TSHZ3: variants seen among roughly 807,000 people sequenced by gnomAD.
TSHZ3 encodes the protein teashirt homolog 3.
A neutral mutation model predicts 64.5 loss-of-function variants in TSHZ3; 10 were observed. That is an observed-to-expected ratio of 0.16 (90% confidence interval 0.10 to 0.26). TSHZ3 has a LOEUF of 0.26. Ranked by LOEUF, TSHZ3 falls within the 10% of genes least tolerant of loss-of-function variation. The probability of loss-of-function intolerance (pLI) is 1.00; values close to 1 mark genes in which losing one functional copy is unlikely to be tolerated. For synonymous variants in TSHZ3, 608 were observed against 593.1 expected, an observed-to-expected ratio of 1.03 and a Z score of -0.36; for missense variants, 1,242 against 1,421.7, an observed-to-expected ratio of 0.87 and a Z score of 2.03.
chr19:31,290,131 C>A (rs568296248), intron 1 of TSHZ3, among the ~76,000 whole-genome samples: 14 of 152,260 alleles, frequency 9.2e-5, no homozygotes, highest in African/African-American at 3.4e-4. Flanking sequence ...TAGAGCTATC[C>A]CCAGATGTCC....
rs748121385 is a variant in TSHZ3, at chr19:31,277,995, A to G, written c.1798T>C (p.Ser600Pro). ...TLVSPPSSQT[S>P]PMPKTNFHAM... ...TGAAAGTTTGTCTTGGGCATGGGGG[A>G]CGTCTGGCTGCTGGGTGGAGAGACC... The change falls in exon 2 of 2, where the codon TCC (serine) becomes CCC (proline). Residue 600 changes from serine (S) to proline (P), a missense_variant. Physicochemically the swap from Ser to Pro is moderately conservative, Grantham distance 74. This residue lies in a region of TSHZ3 where 550 missense variants were observed against 545.1 expected (regional missense o/e 1.01). Transcript: ENST00000240587. This position sits in a 1 kb window ranked among gnomAD's most constrained non-coding sequence, Gnocchi z 4.5. The G allele has an allele frequency of 1.9e-6, 3 of 1,613,798 alleles. No homozygotes were observed. The highest frequency in any genetic ancestry group is 3.3e-5 in the Admixed American group (2 of 60,002).
Position 31,186,394 on chromosome 19 carries a change from C to T in TSHZ3, n.809+18562G>A, listed in dbSNP as rs115250278. 4.7e-3 allele frequency among the ~76,000 whole-genome samples: 712 copies of T among 152,252 alleles called. 7 individuals are homozygous for T. The highest frequency in any genetic ancestry group is 0.016 in the African/African-American group (668 of 41,536). On this transcript the variant is annotated intron_variant and non_coding_transcript_variant, in intron 5 of 6. Transcript: ENST00000651361. ...GTTCTCATGATACTGAGTGAGTTCT[C>T]ACAAGATCTGAATGGTTTTATAAGA...
intron 1 of TSHZ3, among the ~76,000 whole-genome samples, chr19:31,340,032 G>A (rs573130178): frequency 3.9e-5 from 6 of 151,936 alleles, no homozygotes; most frequent in African/African-American, 9.7e-5. Flanking sequence ...TAATCGTCCC[G>A]CAGCTTGACA....
chr19:31,256,461 A>G lies in TSHZ3; in HGVS notation n.64-13586T>C, dbSNP rs146365901. 3.9e-4 allele frequency among the ~76,000 whole-genome samples: 60 copies of G among 152,260 alleles called. 2 individuals are homozygous for G. In the East Asian group the frequency reaches 7.6e-3, roughly 19 times the overall value. On this transcript the variant is annotated intron_variant and non_coding_transcript_variant, in intron 1 of 6. Coordinates refer to the TSHZ3 transcript ENST00000651361. ...AAGCAGATTGCAACATGAAGTAGTGACAGATGTTTGCCCAGAGGGCCTCGG... is the reference window on the plus strand; with the variant it reads ...AAGCAGATTGCAACATGAAGTAGTGGCAGATGTTTGCCCAGAGGGCCTCGG...
At chr19:31,290,014 T>C (rs539888318) in intron 1 of TSHZ3, among the ~76,000 whole-genome samples, 1 of 152,194 alleles carries the variant, frequency 6.6e-6, no homozygotes, top group Non-Finnish European at 1.5e-5. Flanking sequence ...GGCTCTCTGC[T>C]GTACAAACGT....
chr19:31,327,829 GA>G (rs1202027524), intron 1 of TSHZ3, among the ~76,000 whole-genome samples: 4 of 151,820 alleles, frequency 2.6e-5, no homozygotes, highest in East Asian at 1.9e-4. Context: ...ATTGCACTGG[GA>G]AAAAAAATAA....
At chr19:31,272,104 G>A (rs1189246769), downstream of TSHZ3, among the ~76,000 whole-genome samples, 2 of 152,182 alleles carry the variant, frequency 1.3e-5, no homozygotes, top group Non-Finnish European at 2.9e-5. Flanking sequence ...ACTTGGAAAT[G>A]TCTAAAGATG....
At chr19:31,344,114 T>C (rs1917515609) in intron 1 of TSHZ3, among the ~76,000 whole-genome samples, 1 of 152,232 alleles carries the variant, frequency 6.6e-6, no homozygotes, top group African/African-American at 2.4e-5. Context: ...ATACAATATA[T>C]TGTATTCACC....
chr19:31,299,188 C>G (rs1976714226), intron 1 of TSHZ3, among the ~76,000 whole-genome samples: 1 of 152,146 alleles, frequency 6.6e-6, no homozygotes, highest in African/African-American at 2.4e-5. Context: ...GGGCGAGACT[C>G]CATCTCAAAA....
At chr19:31,234,382 C>CT (rs1352095693) in intron 3 of TSHZ3, among the ~76,000 whole-genome samples, 1 of 151,562 alleles carries the variant, frequency 6.6e-6, no homozygotes, top group African/African-American at 2.4e-5. Flanking sequence ...TTTATTTTGC[C>CT]TTATGGCATT....
intron 1 of TSHZ3, among the ~76,000 whole-genome samples, chr19:31,262,612 GT>G (rs762242933): frequency 2.6e-5 from 4 of 152,092 alleles, no homozygotes; most frequent in Admixed American, 6.5e-5. Flanking sequence ...TTATTTAAAT[GT>G]TTTTTTATCC....
chr19:31,327,366 TA>T (rs1916960730), intron 1 of TSHZ3, among the ~76,000 whole-genome samples: 1 of 152,234 alleles, frequency 6.6e-6, no homozygotes, highest in Admixed American at 6.5e-5. Flanking sequence ...AAATAGATTT[TA>T]AAAATTGAGG....
intron 5 of TSHZ3, among the ~76,000 whole-genome samples, chr19:31,166,559 C>T (rs561313354): frequency 1.3e-5 from 2 of 152,174 alleles, no homozygotes; most frequent in South Asian, 4.1e-4. Flanking sequence ...CCATATATCC[C>T]TCCTCCACTG....
chr19:31,229,576 G>A (rs1381224914), intron 3 of TSHZ3, among the ~76,000 whole-genome samples: 1 of 152,182 alleles, frequency 6.6e-6, no homozygotes, highest in African/African-American at 2.4e-5. Context: ...ATCTTGTAAT[G>A]GGAAAATCTT....
In TSHZ3 at chr19:31,200,329, T is replaced by C. The variant is rs183619473; in HGVS notation, n.809+4627A>G. On this transcript the variant is annotated intron_variant and non_coding_transcript_variant, in intron 5 of 6. Coordinates refer to the TSHZ3 transcript ENST00000651361. Reference sequence around the variant, plus strand: ...AACTTAAAAGCAACCAATATGTTCTTGAGTAGGTGAATGGATAAATAAACT... The same window carrying C: ...AACTTAAAAGCAACCAATATGTTCTCGAGTAGGTGAATGGATAAATAAACT... 2.8e-3 allele frequency among the ~76,000 whole-genome samples: 420 copies of C among 152,308 alleles called. 2 individuals are homozygous for C. Among genetic ancestry groups the C allele is most frequent in the Non-Finnish European group, 5.0e-3 (339 of 68,020 alleles).
chr19:31,159,473 T>A (rs1041053172), intron 5 of TSHZ3, among the ~76,000 whole-genome samples: 3 of 152,212 alleles, frequency 2.0e-5, no homozygotes, highest in African/African-American at 7.2e-5. Flanking sequence ...GCTATCACAA[T>A]TGAGCTAAAT....
intron 1 of TSHZ3, among the ~76,000 whole-genome samples, chr19:31,292,191 G>C (rs1396773630): frequency 6.6e-6 from 1 of 152,192 alleles, no homozygotes. Flanking sequence ...CCAAAGAAAG[G>C]ATTCTCTCAT....
rs538330072 is a variant in TSHZ3 at position 31,349,231 on chromosome 19, G to A, written c.-12C>T. 10 of 1,535,800 alleles carry A rather than the reference G, an allele frequency of 6.5e-6. No homozygotes were observed. Among genetic ancestry groups the A allele is most frequent in the East Asian group, 5.1e-5 (2 of 39,464 alleles). ...TTCCTCCTCGGCATGATGCTTCTCC[G>A]GCGACTGCCACTGCCGCCGCCGCCG... On this transcript the variant is annotated 5_prime_UTR_variant, in exon 1 of 2. Coordinates refer to ENST00000240587, the MANE Select transcript of TSHZ3 (RefSeq NM_020856.4).
At chr19:31,322,529 T>G (rs570034118) in intron 1 of TSHZ3, among the ~76,000 whole-genome samples, 24 of 152,314 alleles carry the variant, frequency 1.6e-4, no homozygotes, top group African/African-American at 5.3e-4. Context: ...CAAGGGATTC[T>G]CCCATCTCAG....
Sources: gnomAD v4.1 joint callset for allele counts (sites outside exome capture counted in the v4.1 genomes callset) on GRCh38, gnomAD v4.1.1 for gene constraint, gnomAD v4.1.1 regional missense constraint, Gnocchi (gnomAD v3.1) non-coding constraint, MANE v1.5 for transcripts, NCBI Gene and HGNC (gene_info 2026-07-23, HGNC 2026-07-21) for gene names.